THSD7B: variants seen among roughly 807,000 people sequenced by gnomAD.
The protein encoded by THSD7B is thrombospondin type 1 domain containing 7B, also known as thrombospondin type-1 domain-containing protein 7B.
In THSD7B, 138 loss-of-function variants were observed where a neutral mutation model predicts 213.6. The observed-to-expected ratio is 0.65, with a 90% CI of 0.56 to 0.74. THSD7B has a LOEUF of 0.74. Ranked by LOEUF, THSD7B falls within the 30% of genes least tolerant of loss-of-function variation. The pLI, the probability that THSD7B is intolerant of heterozygous loss-of-function variation, is 0.00. For synonymous variants in THSD7B, 742 were observed against 687.0 expected (o/e 1.08, Z -1.25); for missense variants, 1,931 against 1,991.5 (o/e 0.97, Z 0.58).
chr2:136,906,950 T>A (rs1419009965), intron 2 of THSD7B, among the ~76,000 whole-genome samples: 1 of 128,704 alleles, frequency 7.8e-6, no homozygotes, highest in African/African-American at 3.0e-5. Context: ...TTTTTTTTTT[T>A]TTTTTTTTTT....
chr2:136,917,259 T>C (rs1684364546), intron 2 of THSD7B, among the ~76,000 whole-genome samples: 2 of 152,226 alleles, frequency 1.3e-5, no homozygotes, highest in Admixed American at 6.5e-5. Context: ...TTTCTCACTT[T>C]GTTCCTAGTC....
At chr2:136,863,190 CA>C (rs1683280864) in intron 1 of THSD7B, among the ~76,000 whole-genome samples, 1 of 152,190 alleles carries the variant, frequency 6.6e-6, no homozygotes, top group African/African-American at 2.4e-5. Context: ...AATCTTTACT[CA>C]TTGTATGCCC....
intron 5 of THSD7B, among the ~76,000 whole-genome samples, chr2:137,131,770 T>G (rs1688737326): frequency 6.6e-6 from 1 of 152,222 alleles, no homozygotes; most frequent in Non-Finnish European, 1.5e-5. Flanking sequence ...CCATGCTGTT[T>G]TGGTTACTGC....
At chr2:137,341,853 TTC>T (rs1473775243) in intron 12 of THSD7B, among the ~76,000 whole-genome samples, 2 of 151,726 alleles carry the variant, frequency 1.3e-5, no homozygotes, top group African/African-American at 4.8e-5. Context: ...GCCAGAAGCA[TTC>T]TGTTTTAATT....
intron 10 of THSD7B, among the ~76,000 whole-genome samples, chr2:137,252,022 C>T (rs74963231): frequency 0.1 from 15,528 of 151,836 alleles, 1,303 homozygotes; most frequent in East Asian, 0.43. Flanking sequence ...TAATACCAGC[C>T]CTTGGGAGGC....
chr2:137,269,930 A>T (rs1013495058), intron 10 of THSD7B, among the ~76,000 whole-genome samples: 11 of 152,144 alleles, frequency 7.2e-5, no homozygotes, highest in African/African-American at 2.4e-4. Context: ...AGCCCACTCA[A>T]ATGGAGCAAC....
intron 17 of THSD7B, among the ~76,000 whole-genome samples, chr2:137,589,011 C>A (rs997577796): frequency 6.6e-6 from 1 of 151,998 alleles, no homozygotes; most frequent in Non-Finnish European, 1.5e-5. Flanking sequence ...AACTTCTGAC[C>A]TCAGGTGATC....
intron 20 of THSD7B, among the ~76,000 whole-genome samples, chr2:137,628,969 G>A (rs575310101): frequency 6.6e-5 from 10 of 152,236 alleles, no homozygotes; most frequent in Admixed American, 4.6e-4. Context: ...TGCCTCCTAC[G>A]ATTTTTATCA....
rs1553481982 is a variant in THSD7B, at chr2:137,238,564, T to TTTTTTTTTTC, written c.2151-3893_2151-3892insTTTTTTTTTC. ...TTTTTTTTTTTTTTTTTTTTTTTTT[T>TTTTTTTTTTC]GAGACGGAGTCTCGCTCTGTCGCCC... On this transcript the variant is annotated intron_variant, in intron 9 of 27. Transcript: ENST00000409968. 2.4e-5 allele frequency among the ~76,000 whole-genome samples: 2 copies of TTTTTTTTTTC among 83,420 alleles called. 1 individual carries two copies. The highest frequency in any genetic ancestry group is 7.8e-5 in the African/African-American group (2 of 25,782). 54.7% of individuals were successfully genotyped at this position (83,420 alleles called of 152,430 possible).
intron 15 of THSD7B, among the ~76,000 whole-genome samples, chr2:137,488,312 A>G (rs115890767): frequency 7.1e-4 from 108 of 152,334 alleles, no homozygotes; most frequent in African/African-American, 2.5e-3. Context: ...ACATATACCA[A>G]TATACACATT....
At chr2:137,421,535 G>T (rs1039790129) in intron 14 of THSD7B, among the ~76,000 whole-genome samples, 1 of 152,124 alleles carries the variant, frequency 6.6e-6, no homozygotes, top group African/African-American at 2.4e-5. Context: ...GGGGGTAGGG[G>T]GACAGAACTT....
At chr2:137,609,978 G>A (rs1196082947) in intron 17 of THSD7B, among the ~76,000 whole-genome samples, 1 of 152,150 alleles carries the variant, frequency 6.6e-6, no homozygotes, top group Non-Finnish European at 1.5e-5. Flanking sequence ...AGTCAAAATT[G>A]ACTTCAAACT....
At chr2:137,227,573 A>T (rs911222567) in intron 7 of THSD7B, among the ~76,000 whole-genome samples, 1 of 152,154 alleles carries the variant, frequency 6.6e-6, no homozygotes, top group Non-Finnish European at 1.5e-5. Flanking sequence ...AGGAAAGCAT[A>T]AATGTTCCTC....
chr2:137,422,109 TCG>T (rs1686941825), intron 14 of THSD7B, among the ~76,000 whole-genome samples: 1 of 152,230 alleles, frequency 6.6e-6, no homozygotes, highest in Non-Finnish European at 1.5e-5. Context: ...TTTGAAGCAT[TCG>T]CAGAGTGTTA....
chr2:136,970,079 A>C (rs940712078), intron 2 of THSD7B, among the ~76,000 whole-genome samples: 1 of 152,212 alleles, frequency 6.6e-6, no homozygotes, highest in African/African-American at 2.4e-5. Context: ...ATGCTTTAAA[A>C]ATATAAACAC....
At chr2:137,514,974 C>T (rs989155512) in intron 15 of THSD7B, among the ~76,000 whole-genome samples, 4 of 152,166 alleles carry the variant, frequency 2.6e-5, no homozygotes, top group Non-Finnish European at 2.9e-5. Context: ...AAATACTGAA[C>T]ATCAAATCTG....
chr2:137,072,538 G>A (rs1687517939), intron 3 of THSD7B, among the ~76,000 whole-genome samples: 1 of 152,138 alleles, frequency 6.6e-6, no homozygotes, highest in South Asian at 2.1e-4. Flanking sequence ...ATACAATCAT[G>A]TCATCTGCAA....
intron 2 of THSD7B, among the ~76,000 whole-genome samples, chr2:136,916,159 T>A (rs1357858441): frequency 6.6e-6 from 1 of 152,216 alleles, no homozygotes; most frequent in Admixed American, 6.5e-5. Flanking sequence ...CACTACTAGC[T>A]ACCACACACA....
chr2:136,905,530 G>A (rs1325759165), intron 2 of THSD7B, among the ~76,000 whole-genome samples: 3 of 152,200 alleles, frequency 2.0e-5, no homozygotes, highest in African/African-American at 7.2e-5. Flanking sequence ...GAATTATGCC[G>A]TTAATGTATT....
Sources: gnomAD v4.1 joint callset for allele counts (sites outside exome capture counted in the v4.1 genomes callset) on GRCh38, gnomAD v4.1.1 for gene constraint, MANE v1.5 for transcripts, NCBI Gene and HGNC (gene_info 2026-07-23, HGNC 2026-07-21) for gene names.